SYCP2L: variants seen among roughly 807,000 people sequenced by gnomAD.
The protein encoded by SYCP2L is synaptonemal complex protein 2 like, also known as synaptonemal complex protein 2-like.
In SYCP2L, 98 loss-of-function variants were observed where a neutral mutation model predicts 125.8. That is an observed-to-expected ratio of 0.78 (90% CI 0.66 to 0.92). The LOEUF is 0.92. Ranked by LOEUF, SYCP2L falls within the 40% of genes least tolerant of loss-of-function variation. The pLI is 0.00. For missense variants in SYCP2L, 842 were observed against 936.4 expected (o/e 0.90, Z 1.32); for synonymous variants, 317 against 325.4 (o/e 0.97, Z 0.28).
rs12214713 is a variant in SYCP2L at position 10,894,041 on chromosome 6, A to G, written c.216+37A>G. On this transcript the variant is annotated intron_variant, in intron 3 of 29. Transcript: ENST00000283141. ...TGCTTTGTGACCAAAATACAAATGT[A>G]TAATTATTTATAAGTGTTTTAACTT... 29 of 1,603,140 alleles carry G rather than the reference A, an allele frequency of 1.8e-5. 1 individual carries two copies. The highest frequency in any genetic ancestry group is 7.9e-5 in the South Asian group (7 of 88,300).
intron 14 of SYCP2L, among the ~76,000 whole-genome samples, chr6:10,919,433 T>C (rs571356561): frequency 6.6e-6 from 1 of 152,310 alleles, no homozygotes; most frequent in East Asian, 1.9e-4. Flanking sequence ...GAACTGTCTA[T>C]GGGTCTCTCA....
Position 10,896,746 on chromosome 6 carries a change from T to G in SYCP2L, c.337-1265T>G, listed in dbSNP as rs368547469. Among the ~76,000 whole-genome samples, 5 of 152,168 alleles carry G rather than the reference T, an allele frequency of 3.3e-5. No individual in the cohort carries two copies. The East Asian group carries it at 7.7e-4, about 23-fold the overall frequency. On this transcript the variant is annotated intron_variant, in intron 4 of 29. Transcript: ENST00000283141. ...CCTGGAGAGCTCTCACAAACGTTCT[T>G]AAACCTAAAATAGAAAACTCAGGTG...
At chr6:10,935,253 A>G in intron 21 of SYCP2L, 66 bp downstream of exon 21, 2 of 1,513,298 alleles carry the variant, frequency 1.3e-6, no homozygotes, top group Non-Finnish European at 1.8e-6. Flanking sequence ...TTTGAAGTAA[A>G]CAAAACATTT....
At chr6:10,901,022 A>G (rs567259212) in intron 6 of SYCP2L, among the ~76,000 whole-genome samples, 8 of 152,296 alleles carry the variant, frequency 5.3e-5, no homozygotes, top group Admixed American at 4.6e-4. Flanking sequence ...GACACAATTA[A>G]TCACTCCTTC....
intron 23 of SYCP2L, among the ~76,000 whole-genome samples, chr6:10,946,263 T>A (rs1781313863): frequency 6.6e-6 from 1 of 152,174 alleles, no homozygotes; most frequent in Admixed American, 6.5e-5. Context: ...TCTTTTTTCA[T>A]TTACTGATTA....
chr6:10,893,008 TA>T (rs990850958), intron 2 of SYCP2L, among the ~76,000 whole-genome samples: 5 of 151,446 alleles, frequency 3.3e-5, no homozygotes, highest in Non-Finnish European at 5.9e-5. Context: ...CAAGTATATA[TA>T]CTTTTTTTTT....
At chr6:10,923,121 C>T (rs986195612) in intron 14 of SYCP2L, among the ~76,000 whole-genome samples, 4 of 152,262 alleles carry the variant, frequency 2.6e-5, no homozygotes, top group Non-Finnish European at 2.9e-5. Flanking sequence ...GATTTAGACT[C>T]ATGTATGTTT....
Position 10,931,448 on chromosome 6 carries a change from G to C in SYCP2L, c.1642G>C (p.Val548Leu). The C allele has an allele frequency of 6.2e-7, 1 of 1,614,152 alleles. No individual in the cohort carries two copies. Among genetic ancestry groups the C allele is most frequent in the South Asian group, 1.1e-5 (1 of 91,074 alleles). ...GTTTTCTTTCAATTTAGTCTTGCCA[G>C]TTTTCCCTCCCAGTAGTGGCAGTGG... The part of the protein sequence containing the change: ...RTRSNLRILP[V>L]FPPSSGSGHE... Residue 548 changes from valine (V) to leucine (L), a missense_variant, in exon 20 of 30, where the codon GTT (valine) becomes CTT (leucine). Coordinates refer to ENST00000283141, the MANE Select transcript of SYCP2L (RefSeq NM_001040274.3).
At chr6:10,918,136 T>C (rs1269360841) in intron 14 of SYCP2L, among the ~76,000 whole-genome samples, 1 of 149,152 alleles carries the variant, frequency 6.7e-6, no homozygotes, top group African/African-American at 2.5e-5. Flanking sequence ...AGGAGGAGTT[T>C]GCAGTGAGCC....
intron 23 of SYCP2L, among the ~76,000 whole-genome samples, chr6:10,947,694 A>G (rs1400777834): frequency 2.6e-5 from 4 of 152,086 alleles, no homozygotes; most frequent in Non-Finnish European, 4.4e-5. Context: ...TTACTTGCAA[A>G]AAATGATAGA....
Position 10,958,829 on chromosome 6 carries a change from G to GC in SYCP2L, c.2210dup (p.Pro738ThrfsTer18). The GC allele has an allele frequency of 6.2e-7, 1 of 1,613,724 alleles. No homozygotes were observed. The highest frequency in any genetic ancestry group is 1.3e-5 in the African/African-American group (1 of 75,016). ...GTTTAATTCAGAAAATGCAAAGAAA[G>GC]CACCGGATTGCCTAATAAAACTTTT... On this transcript the variant is annotated frameshift_variant, in exon 26 of 30. Transcript: ENST00000283141. LOFTEE classifies it high-confidence loss of function.
intron 29 of SYCP2L, among the ~76,000 whole-genome samples, chr6:10,973,190 T>C (rs1781804267): frequency 2.0e-5 from 3 of 152,216 alleles, no homozygotes; most frequent in Admixed American, 6.5e-5. Flanking sequence ...GAGAATCTGT[T>C]CCCTCAGTTG....
At chr6:10,893,010 C>CTT (rs779452786) in intron 2 of SYCP2L, among the ~76,000 whole-genome samples, 3 of 143,296 alleles carry the variant, frequency 2.1e-5, no homozygotes, top group Admixed American at 7.0e-5. Context: ...AGTATATATA[C>CTT]TTTTTTTTTT....
chr6:10,965,744 T>A (rs1483473312), intron 29 of SYCP2L, among the ~76,000 whole-genome samples: 1 of 152,232 alleles, frequency 6.6e-6, no homozygotes, highest in African/African-American at 2.4e-5. Context: ...TTCCTAATTT[T>A]AACATAAATC....
intron 8 of SYCP2L, 94 bp from the exon 9 acceptor site, chr6:10,905,926 C>A: frequency 1.3e-6 from 1 of 776,724 alleles, no homozygotes; most frequent in Non-Finnish European, 2.1e-6. Flanking sequence ...GTTTCAGAAA[C>A]ATATACTTTG....
At chr6:10,924,134 T>C (rs1247669916) in intron 14 of SYCP2L, among the ~76,000 whole-genome samples, 1 of 152,198 alleles carries the variant, frequency 6.6e-6, no homozygotes, top group Admixed American at 6.5e-5. Context: ...AGAGTGAATA[T>C]TGTGCATAGT....
intron 23 of SYCP2L, among the ~76,000 whole-genome samples, chr6:10,944,781 C>G (rs1158508419): frequency 1.3e-5 from 2 of 152,100 alleles, no homozygotes; most frequent in African/African-American, 4.8e-5. Context: ...GTGGCGTGAT[C>G]TTGGCTCACT....
rs140551798 is a variant in SYCP2L at position 10,958,456 on chromosome 6, C to T, written c.2164-328C>T. 9.9e-5 allele frequency among the ~76,000 whole-genome samples: 15 copies of T among 152,254 alleles called. No individual in the cohort carries two copies. The East Asian group carries it at 1.5e-3, about 16-fold the overall frequency. ...GGATGGCACCAAGCCATGAGGAATC[C>T]GCCCCCGTGACCCGAACGCCTCCCA... On this transcript the variant is annotated intron_variant, in intron 25 of 29. Transcript: ENST00000283141.
chr6:10,895,677 C>T (rs771364229), intron 4 of SYCP2L, among the ~76,000 whole-genome samples: 9 of 151,898 alleles, frequency 5.9e-5, no homozygotes, highest in East Asian at 2.0e-4. Flanking sequence ...TCAGATTATT[C>T]GAAGAGAAAC....
Sources: gnomAD v4.1 joint callset for allele counts (sites outside exome capture counted in the v4.1 genomes callset) on GRCh38, gnomAD v4.1.1 for gene constraint, MANE v1.5 for transcripts, NCBI Gene and HGNC (gene_info 2026-07-23, HGNC 2026-07-21) for gene names.